Variants in ADAMTSL1 observed in about 807,000 individuals in gnomAD.
ADAMTSL1 encodes the protein ADAMTS like 1, also known as ADAMTS-like protein 1.
A neutral mutation model predicts 201.8 loss-of-function variants in ADAMTSL1; 126 were observed. The observed-to-expected ratio is 0.62, with a 90% CI of 0.54 to 0.72. The LOEUF is 0.72. Ranked by LOEUF, ADAMTSL1 falls within the 30% of genes least tolerant of loss-of-function variation. The probability of loss-of-function intolerance (pLI) is 0.00; values close to 1 mark genes in which losing one functional copy is unlikely to be tolerated. For synonymous variants in ADAMTSL1, 1,121 were observed against 903.4 expected (o/e 1.24, Z -4.32); for missense variants, 2,679 against 2,277.8 (o/e 1.18, Z -3.59).
At position 18,006,165 on chromosome 9, in the gene ADAMTSL1, A is replaced by G. The variant is rs369639280; in HGVS notation, c.87+99243A>G. On this transcript the variant is annotated intron_variant, in intron 1 of 29. Coordinates refer to the ADAMTSL1 transcript ENST00000680146. ...TACCCAATTTCAAGCTACGAATGTG[A>G]TATCACTGAGTGTGGACTTGGGAAG... 1.4e-3 allele frequency among the ~76,000 whole-genome samples: 220 copies of G among 152,120 alleles called. 6 individuals carry two copies. In the South Asian group the frequency reaches 0.045, roughly 31 times the overall value.
chr9:18,698,431 T>G (rs1224041255), intron 13 of ADAMTSL1, among the ~76,000 whole-genome samples: 1 of 152,126 alleles, frequency 6.6e-6, no homozygotes, highest in Admixed American at 6.5e-5. Context: ...CTTGCAGGTG[T>G]ATGCCACCAT....
chr9:18,219,800 A>G (rs1356523498), intron 2 of ADAMTSL1, among the ~76,000 whole-genome samples: 1 of 152,132 alleles, frequency 6.6e-6, no homozygotes, highest in African/African-American at 2.4e-5. Flanking sequence ...TTAAATTTAA[A>G]TATTTTAATT....
chr9:18,517,507 C>T (rs530285449), intron 2 of ADAMTSL1, among the ~76,000 whole-genome samples: 489 of 151,258 alleles, frequency 3.2e-3, no homozygotes, highest in African/African-American at 0.011. Context: ...CATGCTGGTG[C>T]GCTGCACCCA....
intron 7 of ADAMTSL1, chr9:18,651,237 A>G (rs776019873): frequency 6.6e-6 from 1 of 152,222 alleles, no homozygotes; most frequent in Non-Finnish European, 1.5e-5. Context: ...CTGACTTAGT[A>G]TCCCCTCCCT....
chr9:18,836,019 T>C lies in ADAMTSL1; in HGVS notation c.4249+6042T>C, dbSNP rs1825289595. Among the ~76,000 whole-genome samples, 3 of 152,158 alleles carry C rather than the reference T, an allele frequency of 2.0e-5. No homozygotes were observed. In the South Asian group the frequency reaches 6.2e-4, roughly 31 times the overall value. On this transcript the variant is annotated intron_variant, in intron 23 of 28. Transcript: ENST00000380548. ...TGATTTATTTTCTTTTGAATACATATCCAGTAATGGGACTGCTGGATTGAA... is the reference window on the plus strand; with the variant it reads ...TGATTTATTTTCTTTTGAATACATACCCAGTAATGGGACTGCTGGATTGAA...
intron 2 of ADAMTSL1, among the ~76,000 whole-genome samples, chr9:18,220,011 A>G (rs997912693): frequency 2.0e-5 from 3 of 151,844 alleles, no homozygotes; most frequent in African/African-American, 4.8e-5. Context: ...TTTTTATTTC[A>G]TTGGCTAGGA....
At chr9:18,552,013 A>G (rs1718923375) in intron 3 of ADAMTSL1, among the ~76,000 whole-genome samples, 1 of 151,890 alleles carries the variant, frequency 6.6e-6, no homozygotes, top group Non-Finnish European at 1.5e-5. Flanking sequence ...AAACTTCATC[A>G]TTTAATGAAA....
chr9:18,670,552 T>G (rs1401083270), intron 9 of ADAMTSL1, among the ~76,000 whole-genome samples: 1 of 152,216 alleles, frequency 6.6e-6, no homozygotes. Flanking sequence ...GGACTGAATA[T>G]GTGCACAACA....
chr9:18,382,829 C>T (rs1262735885), intron 2 of ADAMTSL1, among the ~76,000 whole-genome samples: 1 of 152,166 alleles, frequency 6.6e-6, no homozygotes, highest in Non-Finnish European at 1.5e-5. Context: ...ATGAACAATG[C>T]TCATTATAAC....
intron 21 of ADAMTSL1, among the ~76,000 whole-genome samples, chr9:18,821,144 G>C (rs559602289): frequency 1.7e-3 from 261 of 152,320 alleles, no homozygotes; most frequent in African/African-American, 5.9e-3. Flanking sequence ...GACTAAGGAT[G>C]CAGAAATAGT....
intron 2 of ADAMTSL1, among the ~76,000 whole-genome samples, chr9:18,369,699 T>A (rs1836955723): frequency 6.6e-6 from 1 of 152,196 alleles, no homozygotes; most frequent in Non-Finnish European, 1.5e-5. Flanking sequence ...CCCATGCTTG[T>A]ATATTTATTA....
chr9:18,137,850 T>C (rs1212888672), intron 1 of ADAMTSL1, among the ~76,000 whole-genome samples: 3 of 152,168 alleles, frequency 2.0e-5, no homozygotes, highest in African/African-American at 7.2e-5. Context: ...AGTAACTTTT[T>C]CCAAGTGTGG....
intron 4 of ADAMTSL1, among the ~76,000 whole-genome samples, chr9:18,596,342 A>G (rs1441356295): frequency 6.6e-6 from 1 of 152,198 alleles, no homozygotes; most frequent in African/African-American, 2.4e-5. Flanking sequence ...ATCAGATACA[A>G]ATTTGAAGTC....
At chr9:18,432,563 A>C (rs1384858992) in intron 2 of ADAMTSL1, among the ~76,000 whole-genome samples, 1 of 152,174 alleles carries the variant, frequency 6.6e-6, no homozygotes, top group Non-Finnish European at 1.5e-5. Context: ...CATCACCAAA[A>C]ATTATCAAAT....
intron 2 of ADAMTSL1, among the ~76,000 whole-genome samples, chr9:18,284,033 C>A (rs1197829917): frequency 2.6e-5 from 4 of 151,444 alleles, no homozygotes; most frequent in Non-Finnish European, 5.9e-5. Context: ...CAGTTCGAGA[C>A]CAGCCTCACC....
intron 2 of ADAMTSL1, among the ~76,000 whole-genome samples, chr9:18,339,795 C>T (rs1218657359): frequency 6.6e-6 from 1 of 152,018 alleles, no homozygotes; most frequent in African/African-American, 2.4e-5. Context: ...CTCCTTCCTA[C>T]CAGCATTTAA....
At chr9:18,560,221 G>T (rs2132274245) in intron 3 of ADAMTSL1, among the ~76,000 whole-genome samples, 1 of 152,158 alleles carries the variant, frequency 6.6e-6, no homozygotes, top group South Asian at 2.1e-4. Flanking sequence ...AGCATGAAGG[G>T]GTGTTGAATT....
At chr9:18,201,445 C>T (rs1264586397) in intron 2 of ADAMTSL1, among the ~76,000 whole-genome samples, 1 of 152,042 alleles carries the variant, frequency 6.6e-6, no homozygotes, top group Non-Finnish European at 1.5e-5. Context: ...TATTTTCTCA[C>T]TAATAATAAG....
chr9:18,607,858 G>A (rs1006828324), intron 4 of ADAMTSL1, among the ~76,000 whole-genome samples: 10 of 151,944 alleles, frequency 6.6e-5, no homozygotes, highest in African/African-American at 2.4e-5. Flanking sequence ...ATAGTTTGCC[G>A]AGAATGTTGG....
Sources: gnomAD v4.1 joint callset for allele counts (sites outside exome capture counted in the v4.1 genomes callset) on GRCh38, gnomAD v4.1.1 for gene constraint, MANE v1.5 for transcripts, NCBI Gene and HGNC (gene_info 2026-07-23, HGNC 2026-07-21) for gene names.